The following PHLPP2 variants were observed in gnomAD, a reference collection of about 807,000 sequenced individuals.
The protein encoded by PHLPP2 is PH domain leucine-rich repeat-containing protein phosphatase 2.
PHLPP2 carries 66 observed loss-of-function variants against 124.9 expected under a neutral mutation model. That is an observed-to-expected ratio of 0.53 (90% CI 0.43 to 0.65). The LOEUF is 0.65. Among genes scored for constraint, PHLPP2 ranks in the 30% least tolerant of loss-of-function variants. The pLI, the probability that PHLPP2 is intolerant of heterozygous loss-of-function variation, is 0.00. For synonymous variants in PHLPP2, 681 were observed against 624.7 expected (o/e 1.09, Z -1.34); for missense variants, 1,685 against 1,600.4 (o/e 1.05, Z -0.90).
chr16:71,684,661 C>T, intron 4 of PHLPP2, 60 bp from the exon 5 acceptor site: 1 of 1,485,006 alleles, frequency 6.7e-7, no homozygotes, highest in Non-Finnish European at 9.1e-7. Flanking sequence ...AGTCAAAAAG[C>T]AAAAGGCAAT....
chr16:71,684,356 C>T, intron 5 of PHLPP2, 120 bp downstream of exon 5: 8 of 943,936 alleles, frequency 8.5e-6, no homozygotes, highest in Non-Finnish European at 8.1e-6. Context: ...GAACTCCCAA[C>T]CTCAGGTGAT....
chr16:71,689,145 C>T (rs1200462122), intron 4 of PHLPP2, among the ~76,000 whole-genome samples: 1 of 152,050 alleles, frequency 6.6e-6, no homozygotes, highest in Non-Finnish European at 1.5e-5. Flanking sequence ...CCCAGGAGGC[C>T]CACAGACCTT....
At chr16:71,697,801 TTCTCTC>T (rs1010554941) in intron 3 of PHLPP2, among the ~76,000 whole-genome samples, 1 of 146,692 alleles carries the variant, frequency 6.8e-6, no homozygotes, top group Non-Finnish European at 1.5e-5. Flanking sequence ...GGTTTGCTCT[TTCTCTC>T]TCTCTCTCTC....
chr16:71,723,900 C>A (rs2045415870), intron 1 of PHLPP2: 6 of 901,326 alleles, frequency 6.7e-6, no homozygotes, highest in Admixed American at 5.1e-5. Context: ...ACGCCCGGCC[C>A]GCGCGACGGC....
chr16:71,680,864 A>C (rs1028586123), intron 6 of PHLPP2, among the ~76,000 whole-genome samples: 54 of 152,328 alleles, frequency 3.5e-4, no homozygotes, highest in African/African-American at 1.2e-3. Flanking sequence ...AAATGCTAGA[A>C]ACCAACTTCC....
rs2045244033 is a variant in PHLPP2 at position 71,702,751 on chromosome 16, A to C, written c.285-20T>G. On this transcript the variant is annotated intron_variant, in intron 2 of 18. Transcript: ENST00000568954. ...AGTCTCCTGATTACACAATTCAAAAAAATATATATATTTGGTAAGTAATAA... is the reference window on the plus strand; with the variant it reads ...AGTCTCCTGATTACACAATTCAAAACAATATATATATTTGGTAAGTAATAA... 4 of 1,521,096 alleles carry C rather than the reference A, an allele frequency of 2.6e-6. No homozygotes were observed. Among genetic ancestry groups the C allele is most frequent in the Non-Finnish European group, 3.6e-6 (4 of 1,118,720 alleles). 94.2% of individuals were successfully genotyped at this position (1,521,096 alleles called of 1,614,324 possible). A position where few individuals can be genotyped will look rare whatever the true frequency, so the allele number is the denominator to read the frequency against.
At chr16:71,689,385 CTTTTTTTTT>C (rs57755507) in intron 4 of PHLPP2, among the ~76,000 whole-genome samples, 2 of 62,544 alleles carry the variant, frequency 3.2e-5, no homozygotes, top group Non-Finnish European at 5.9e-5. Flanking sequence ...CTACACCTGG[CTTTTTTTTT>C]TTTTTTTTTT....
At chr16:71,686,030 C>G (rs955151737) in intron 4 of PHLPP2, among the ~76,000 whole-genome samples, 1 of 152,114 alleles carries the variant, frequency 6.6e-6, no homozygotes, top group Non-Finnish European at 1.5e-5. Flanking sequence ...TGCTTGAATC[C>G]GGGAGGTGGA....
intron 5 of PHLPP2, among the ~76,000 whole-genome samples, chr16:71,683,117 G>A (rs1421509825): frequency 6.6e-6 from 1 of 151,884 alleles, no homozygotes; most frequent in Non-Finnish European, 1.5e-5. Context: ...GTTGTAGTGA[G>A]CCAAGACTAT....
At chr16:71,663,143 ACT>A (rs1423969434) in intron 13 of PHLPP2, among the ~76,000 whole-genome samples, 2 of 152,022 alleles carry the variant, frequency 1.3e-5, no homozygotes, top group Non-Finnish European at 2.9e-5. Context: ...ACACAGTCTC[ACT>A]CTGTCGCCCA....
At chr16:71,684,713 A>AT in intron 4 of PHLPP2, 112 bp from the exon 5 acceptor site, 2 of 1,030,718 alleles carry the variant, frequency 1.9e-6, no homozygotes, top group Non-Finnish European at 2.7e-6. Context: ...GTTATTTTTT[A>AT]TTTTTTCTCT....
Position 71,650,027 on chromosome 16 carries a change from C to G in PHLPP2, c.2835G>C (p.Gly945=), listed in dbSNP as rs760182767. 1 of 1,607,174 alleles carries G rather than the reference C, an allele frequency of 6.2e-7. No homozygotes were observed. The highest frequency in any genetic ancestry group is 8.5e-7 in the Non-Finnish European group (1 of 1,178,914). The change falls in exon 19 of 19, where the codon GGG becomes GGC. Residue 945 remains glycine, a synonymous_variant. Transcript: ENST00000568954. ...CCAGCATCCGGGTACAGCAGGTTAC[C>G]CCATTCACTTTGTTGTCCTACAGAA... The part of the protein sequence containing the change: ...AIITEDNKVN[G]VTCCTRMLGC...
At chr16:71,696,949 C>A (rs538342690) in intron 3 of PHLPP2, among the ~76,000 whole-genome samples, 2 of 151,884 alleles carry the variant, frequency 1.3e-5, no homozygotes, top group Admixed American at 6.6e-5. Context: ...CCGAGGTAGG[C>A]GGATGACTTG....
chr16:71,715,991 CAA>C (rs372460382), intron 1 of PHLPP2, among the ~76,000 whole-genome samples: 8 of 98,446 alleles, frequency 8.1e-5, no homozygotes, highest in Non-Finnish European at 4.5e-5. Flanking sequence ...GACTCTGTCT[CAA>C]AAAAAAAAAA....
In PHLPP2 at chr16:71,714,605, A is replaced by T; in HGVS notation, c.191T>A (p.Leu64His). The T allele has an allele frequency of 6.2e-7, 1 of 1,614,140 alleles. No individual in the cohort carries two copies. The highest frequency in any genetic ancestry group is 8.5e-7 in the Non-Finnish European group (1 of 1,179,990). Residue 64 changes from leucine to histidine, a missense_variant, in exon 2 of 19, where the codon CTC becomes CAC. Transcript: ENST00000568954. Reference sequence around the variant, plus strand: ...TGGTGTCTCTACAGTGCAAAGGACGAGATGTAAGTCAGAGGAAGAGGAGGA... The same window carrying T: ...TGGTGTCTCTACAGTGCAAAGGACGTGATGTAAGTCAGAGGAAGAGGAGGA... Reference protein sequence around the residue: ...SSSSSSSDLHLVLCTVETPAS... With the variant: ...SSSSSSSDLHHVLCTVETPAS...
intron 3 of PHLPP2, among the ~76,000 whole-genome samples, chr16:71,693,177 C>T (rs1261255035): frequency 2.0e-5 from 3 of 152,166 alleles, no homozygotes; most frequent in Non-Finnish European, 2.9e-5. Context: ...ATCCCAGCTA[C>T]TCAGGAGGCT....
chr16:71,663,934 G>T lies in PHLPP2; in HGVS notation c.1950C>A (p.His650Gln). 2 of 1,614,140 alleles carry T rather than the reference G, an allele frequency of 1.2e-6. No homozygotes were observed. The highest frequency in any genetic ancestry group is 1.7e-6 in the Non-Finnish European group (2 of 1,179,968). Reference protein sequence around the residue: ...LVGHLHLRILHLANNQLQTFP... With the variant: ...LVGHLHLRILQLANNQLQTFP... ...AGGTCTGTAACTGATTGTTTGCAAG[G>T]TGCAAGATTCGCAGGTGCAGGTGCC... is the stretch of plus-strand genomic sequence containing the variant. The change falls in exon 13 of 19, where the codon CAC (histidine) becomes CAA (glutamine). Residue 650 changes from histidine to glutamine, a missense_variant. His to Gln is a conservative substitution (Grantham distance 24). Coordinates refer to ENST00000568954, the MANE Select transcript of PHLPP2 (RefSeq NM_015020.3).
chr16:71,658,868 AG>A (rs2044764132), intron 13 of PHLPP2, 53 bp from the exon 14 acceptor site: 1 of 1,539,232 alleles, frequency 6.5e-7, no homozygotes, highest in South Asian at 1.2e-5. Flanking sequence ...GCAGCTGCCA[AG>A]GAAGTGCTAT....
chr16:71,657,309 C>G (rs1382103790), intron 15 of PHLPP2, among the ~76,000 whole-genome samples: 3 of 151,962 alleles, frequency 2.0e-5, no homozygotes, highest in South Asian at 2.1e-4. Flanking sequence ...AACTCCTGAC[C>G]TCAGGTGATC....
Sources: gnomAD v4.1 joint callset for allele counts (sites outside exome capture counted in the v4.1 genomes callset) on GRCh38, gnomAD v4.1.1 for gene constraint, MANE v1.5 for transcripts, NCBI Gene and HGNC (gene_info 2026-07-23, HGNC 2026-07-21) for gene names.